CLIC5: variants seen among roughly 807,000 people sequenced by gnomAD.
CLIC5 encodes the protein CLIC family member 5.
In CLIC5, 20 loss-of-function variants were observed where a neutral mutation model predicts 24.7. That is an observed-to-expected ratio of 0.81 (90% CI 0.57 to 1.18). The LOEUF is 1.18. CLIC5 is among the 50% of genes most tolerant of loss of function. The pLI is 0.00. For synonymous variants in CLIC5, 159 were observed against 135.6 expected, an observed-to-expected ratio of 1.17 and a Z score of -1.20; for missense variants, 341 against 326.1, an observed-to-expected ratio of 1.05 and a Z score of -0.35.
At chr6:45,886,367 C>T (rs1403267868) in intron 6 of CLIC5, among the ~76,000 whole-genome samples, 1 of 152,178 alleles carries the variant, frequency 6.6e-6, no homozygotes, top group Middle Eastern at 3.2e-3. Context: ...CTGAGCAGCC[C>T]CACCCTGCAC....
chr6:46,079,869 T>A, exon 1 of CLIC5: 4 of 1,552,160 alleles, frequency 2.6e-6, no homozygotes, highest in Non-Finnish European at 3.5e-6. Context: ...CCCATTCTCC[T>A]GGAGTTCTGC....
chr6:45,884,318 A>G (rs556651965), intron 6 of CLIC5, among the ~76,000 whole-genome samples: 1 of 152,304 alleles, frequency 6.6e-6, no homozygotes, highest in Non-Finnish European at 1.5e-5. Flanking sequence ...TTTTTATAAG[A>G]TGATTGGCAG....
At chr6:46,045,220 A>G (rs913501644) in intron 1 of CLIC5, among the ~76,000 whole-genome samples, 2 of 152,190 alleles carry the variant, frequency 1.3e-5, no homozygotes, top group African/African-American at 4.8e-5. Flanking sequence ...TTTGAAAACA[A>G]TTACATTTTT....
At chr6:45,932,425 T>A (rs1460875279) in intron 4 of CLIC5, among the ~76,000 whole-genome samples, 1 of 152,242 alleles carries the variant, frequency 6.6e-6, no homozygotes, top group East Asian at 1.9e-4. Context: ...AACTTTCTAA[T>A]GTTGAGCTGA....
chr6:45,959,183 C>G (rs1269867387), intron 1 of CLIC5, among the ~76,000 whole-genome samples: 1 of 152,122 alleles, frequency 6.6e-6, no homozygotes, highest in Non-Finnish European at 1.5e-5. Context: ...TATTTAAGAC[C>G]GCGGTTCTCA....
intron 1 of CLIC5, among the ~76,000 whole-genome samples, chr6:46,069,468 T>C (rs80001245): frequency 0.016 from 2,364 of 151,888 alleles, 57 homozygotes; most frequent in African/African-American, 0.055. Flanking sequence ...AGAAGAAAAT[T>C]GATAAATTCC....
At chr6:46,003,244 A>G (rs1766423430) in intron 1 of CLIC5, among the ~76,000 whole-genome samples, 1 of 152,176 alleles carries the variant, frequency 6.6e-6, no homozygotes, top group African/African-American at 2.4e-5. Flanking sequence ...ATGCAAAGAC[A>G]CCACTCATGG....
chr6:45,993,860 C>A (rs114499898), intron 1 of CLIC5, among the ~76,000 whole-genome samples: 2 of 152,176 alleles, frequency 1.3e-5, no homozygotes, highest in Non-Finnish European at 2.9e-5. Context: ...GCAAGCCCTG[C>A]GGAAATCATT....
At chr6:45,979,222 A>G (rs951235956) in intron 1 of CLIC5, among the ~76,000 whole-genome samples, 1 of 152,222 alleles carries the variant, frequency 6.6e-6, no homozygotes, top group Admixed American at 6.5e-5. Context: ...ATGAAGACCC[A>G]GGACACATGT....
chr6:46,100,239 A>C, the CLIC5 span, among the ~76,000 whole-genome samples: 76 of 152,338 alleles, frequency 5.0e-4, no homozygotes, highest in South Asian at 0.015. Flanking sequence ...ATGCATGGAA[A>C]TATCAAGCAG....
At chr6:45,934,649 G>A (rs2127356131) in intron 4 of CLIC5, among the ~76,000 whole-genome samples, 1 of 152,362 alleles carries the variant, frequency 6.6e-6, no homozygotes, top group South Asian at 2.1e-4. Flanking sequence ...GAGGTTGGAT[G>A]GAAGGTGGTC....
chr6:45,935,897 T>G (rs1408476245), intron 4 of CLIC5, among the ~76,000 whole-genome samples: 1 of 152,180 alleles, frequency 6.6e-6, no homozygotes, highest in African/African-American at 2.4e-5. Flanking sequence ...CCCAGGACCT[T>G]CTCTGCAGCA....
At chr6:45,969,717 A>G (rs971617793) in intron 1 of CLIC5, among the ~76,000 whole-genome samples, 1 of 151,944 alleles carries the variant, frequency 6.6e-6, no homozygotes, top group African/African-American at 2.4e-5. Flanking sequence ...TTATTCCCTT[A>G]AAAGAGTAAA....
chr6:45,965,217 G>A (rs1426589007), intron 1 of CLIC5, among the ~76,000 whole-genome samples: 1 of 152,226 alleles, frequency 6.6e-6, no homozygotes, highest in African/African-American at 2.4e-5. Flanking sequence ...TTACTATGAA[G>A]GGAGAGAGGG....
In CLIC5 at chr6:45,949,034, C is replaced by T. The variant is rs114470594; in HGVS notation, c.299+222G>A. Among the ~76,000 whole-genome samples, 278 of 152,158 alleles carry T rather than the reference C, an allele frequency of 1.8e-3. 4 individuals are homozygous for T. In the East Asian group the frequency reaches 0.045, roughly 25 times the overall value. ...TCTGTGTAGGTAGGAGTGACTGGCT[C>T]TTGTTCATAGGCCATATCTACTCTT... On this transcript the variant is annotated intron_variant, in intron 3 of 5. Coordinates refer to ENST00000339561, the MANE Select transcript of CLIC5 (RefSeq NM_016929.5).
chr6:45,967,238 G>A (rs1765046085), intron 1 of CLIC5, among the ~76,000 whole-genome samples: 1 of 152,236 alleles, frequency 6.6e-6, no homozygotes, highest in African/African-American at 2.4e-5. Flanking sequence ...AGCCAGATGG[G>A]CATCTTTACC....
chr6:46,068,363 G>A (rs1354281242), intron 1 of CLIC5, among the ~76,000 whole-genome samples: 1 of 152,096 alleles, frequency 6.6e-6, no homozygotes, highest in Admixed American at 6.6e-5. Flanking sequence ...TACTACTGCT[G>A]CCAGCCACTG....
At chr6:45,931,107 C>T (rs1055215313) in intron 4 of CLIC5, among the ~76,000 whole-genome samples, 2 of 152,172 alleles carry the variant, frequency 1.3e-5, no homozygotes, top group African/African-American at 4.8e-5. Context: ...TCAGTGTCCA[C>T]GAATGATGTT....
At chr6:46,088,095 T>TG in the CLIC5 span, among the ~76,000 whole-genome samples, 4 of 148,836 alleles carry the variant, frequency 2.7e-5, no homozygotes, top group African/African-American at 9.7e-5. Flanking sequence ...CAAAGACATC[T>TG]GGGAAGTTTG....
Sources: gnomAD v4.1 joint callset for allele counts (sites outside exome capture counted in the v4.1 genomes callset) on GRCh38, gnomAD v4.1.1 for gene constraint, MANE v1.5 for transcripts, NCBI Gene and HGNC (gene_info 2026-07-23, HGNC 2026-07-21) for gene names.